The following SUGCT variants were observed in gnomAD, a reference collection of about 807,000 sequenced individuals.
SUGCT encodes succinyl-CoA:glutarate-CoA transferase, also known as succinyl-CoA:glutarate CoA-transferase.
A neutral mutation model predicts 55.0 loss-of-function variants in SUGCT; 41 were observed. The ratio of observed to expected loss-of-function variants is 0.74; its 90% CI spans 0.58 to 0.97. SUGCT has a LOEUF of 0.97. SUGCT is among the 50% of genes least tolerant of loss of function. The pLI, the probability that SUGCT is intolerant of heterozygous loss-of-function variation, is 0.00. For synonymous variants in SUGCT, 187 were observed against 200.4 expected (o/e 0.93, Z 0.56); for missense variants, 568 against 547.8 (o/e 1.04, Z -0.37).
chr7:40,308,184 G>A (rs1453368911), intron 8 of SUGCT, among the ~76,000 whole-genome samples: 6 of 152,184 alleles, frequency 3.9e-5, no homozygotes, highest in Non-Finnish European at 7.4e-5. Flanking sequence ...AAAATGTGAA[G>A]CCAAGGATAC....
intron 12 of SUGCT, among the ~76,000 whole-genome samples, chr7:40,552,627 C>A (rs933278477): frequency 2.0e-5 from 3 of 152,132 alleles, no homozygotes; most frequent in Non-Finnish European, 4.4e-5. Context: ...TAAATGATAA[C>A]CTAGAACTTT....
chr7:40,834,980 G>T (rs1467553965), intron 13 of SUGCT, among the ~76,000 whole-genome samples: 2 of 151,908 alleles, frequency 1.3e-5, no homozygotes, highest in East Asian at 3.9e-4. Context: ...AAAAAAATTG[G>T]GACTTTTTAG....
At chr7:40,760,961 T>G (rs888873301) in intron 13 of SUGCT, among the ~76,000 whole-genome samples, 6 of 152,388 alleles carry the variant, frequency 3.9e-5, no homozygotes, top group Admixed American at 6.5e-5. Flanking sequence ...TAGCTTCATC[T>G]ACAGTAACAA....
intron 12 of SUGCT, among the ~76,000 whole-genome samples, chr7:40,541,683 T>C (rs566904843): frequency 2.5e-4 from 38 of 152,268 alleles, no homozygotes; most frequent in African/African-American, 8.7e-4. Flanking sequence ...TGAAATATAT[T>C]AGAGTAGTTT....
chr7:40,734,116 G>A (rs144815873), intron 12 of SUGCT, among the ~76,000 whole-genome samples: 12 of 152,256 alleles, frequency 7.9e-5, no homozygotes, highest in African/African-American at 2.9e-4. Flanking sequence ...TTACCCTCAA[G>A]GAGACAGAGA....
At chr7:40,511,128 A>G (rs1219307929) in intron 12 of SUGCT, among the ~76,000 whole-genome samples, 1 of 152,200 alleles carries the variant, frequency 6.6e-6, no homozygotes, top group East Asian at 1.9e-4. Flanking sequence ...GGAAAAAGTA[A>G]TAACCTTACT....
the SUGCT span, among the ~76,000 whole-genome samples, chr7:41,000,024 C>A: frequency 6.6e-6 from 1 of 152,124 alleles, no homozygotes; most frequent in African/African-American, 2.4e-5. Flanking sequence ...CTTGACTTTG[C>A]CAGCTCTTTT....
At chr7:40,335,065 A>G (rs1348588835) in intron 9 of SUGCT, among the ~76,000 whole-genome samples, 1 of 151,970 alleles carries the variant, frequency 6.6e-6, no homozygotes, top group African/African-American at 2.4e-5. Flanking sequence ...ATGGTTGTAG[A>G]TGTGTGGTAT....
Position 40,619,165 on chromosome 7 carries a change from T to C in SUGCT, c.1089+122779T>C, listed in dbSNP as rs548940925. On this transcript the variant is annotated intron_variant, in intron 12 of 13. Coordinates refer to ENST00000335693, the MANE Select transcript of SUGCT (RefSeq NM_001193313.2). ...ATTTACAAAGGCCCATGGGCATGTCTGCTTCTGTAAGAACCCATTACATCA... is the reference window on the plus strand; with the variant it reads ...ATTTACAAAGGCCCATGGGCATGTCCGCTTCTGTAAGAACCCATTACATCA... Among the ~76,000 whole-genome samples the C allele has an allele frequency of 9.1e-4, 138 of 152,366 alleles. 1 individual carries two copies. The highest frequency in any genetic ancestry group is 1.2e-3 in the East Asian group (6 of 5,188).
chr7:40,245,701 G>A (rs903754638), intron 7 of SUGCT, among the ~76,000 whole-genome samples: 1 of 151,652 alleles, frequency 6.6e-6, no homozygotes, highest in East Asian at 1.9e-4. Flanking sequence ...GCCTCCCAAA[G>A]TGCTGGGATT....
the SUGCT span, among the ~76,000 whole-genome samples, chr7:40,880,763 C>T: frequency 6.6e-6 from 1 of 152,098 alleles, no homozygotes; most frequent in African/African-American, 2.4e-5. Context: ...TATGCTGAAC[C>T]AATGTTTCAT....
chr7:40,920,552 G>A, the SUGCT span, among the ~76,000 whole-genome samples: 1 of 152,188 alleles, frequency 6.6e-6, no homozygotes, highest in African/African-American at 2.4e-5. Flanking sequence ...CTGTTGGCAT[G>A]TGGTCATGTC....
chr7:40,227,678 A>G (rs1788460661), intron 6 of SUGCT, among the ~76,000 whole-genome samples: 1 of 151,832 alleles, frequency 6.6e-6, no homozygotes, highest in Non-Finnish European at 1.5e-5. Flanking sequence ...CAAACCTCAG[A>G]TTTCATCATT....
At chr7:40,351,004 A>G (rs1354075886) in intron 9 of SUGCT, among the ~76,000 whole-genome samples, 1 of 152,038 alleles carries the variant, frequency 6.6e-6, no homozygotes, top group Admixed American at 6.6e-5. Context: ...TCCATGGTGT[A>G]TATGTGCCAT....
chr7:40,639,940 C>A (rs2151822911), intron 12 of SUGCT, among the ~76,000 whole-genome samples: 1 of 152,238 alleles, frequency 6.6e-6, no homozygotes, highest in South Asian at 2.1e-4. Flanking sequence ...AGTCATCTTT[C>A]TCTGTCTCTT....
chr7:40,720,504 C>CA (rs1281693681), intron 12 of SUGCT, among the ~76,000 whole-genome samples: 3 of 152,088 alleles, frequency 2.0e-5, no homozygotes, highest in Non-Finnish European at 4.4e-5. Flanking sequence ...GACTCTTCCC[C>CA]AAAATGTATA....
At chr7:40,394,477 A>G (rs1785611155) in intron 9 of SUGCT, among the ~76,000 whole-genome samples, 6 of 152,228 alleles carry the variant, frequency 3.9e-5, no homozygotes. Flanking sequence ...CTTAATTGAC[A>G]AACATAAATT....
At chr7:40,741,902 C>A (rs1787481881) in intron 12 of SUGCT, among the ~76,000 whole-genome samples, 1 of 151,972 alleles carries the variant, frequency 6.6e-6, no homozygotes, top group South Asian at 2.1e-4. Context: ...AGTATATACA[C>A]ACTGATACAA....
At chr7:40,749,526 C>A (rs1426732028) in intron 13 of SUGCT, 29 bp downstream of exon 13, 70 of 1,570,684 alleles carry the variant, frequency 4.5e-5, no homozygotes, top group Non-Finnish European at 6.0e-5. Flanking sequence ...TTTTCTCTAG[C>A]ACCTTTCTTT....
Sources: allele counts gnomAD v4.1 joint callset (sites outside exome capture counted in the v4.1 genomes callset), GRCh38; gene constraint gnomAD v4.1.1; transcripts MANE v1.5; gene names NCBI Gene and HGNC (gene_info 2026-07-23, HGNC 2026-07-21).